The following MAST4 variants were observed in gnomAD, a reference collection of about 807,000 sequenced individuals.
MAST4 encodes the protein microtubule associated serine/threonine kinase family member 4.
A neutral mutation model predicts 162.7 loss-of-function variants in MAST4; 89 were observed. The observed-to-expected ratio is 0.55, with a 90% CI of 0.46 to 0.65. The LOEUF (loss-of-function observed/expected upper bound fraction) is 0.65. Ranked by LOEUF, MAST4 falls within the 30% of genes least tolerant of loss-of-function variation. MAST4 has a pLI of 0.00. For synonymous variants in MAST4, 1,479 were observed against 1,361.1 expected (o/e 1.09, Z -1.91); for missense variants, 3,153 against 3,374.0 (o/e 0.93, Z 1.62).
intron 19 of MAST4, among the ~76,000 whole-genome samples, chr5:67,137,725 A>G (rs1769846698): frequency 6.6e-6 from 1 of 152,230 alleles, no homozygotes; most frequent in African/African-American, 2.4e-5. Flanking sequence ...AGCTATGGCC[A>G]GATTTGTCCC....
rs536120855 is a variant in MAST4 at position 67,168,138 on chromosome 5, C to G, written c.*1087C>G. The G allele has an allele frequency of 2.6e-5, 4 of 152,174 alleles. No individual in the cohort carries two copies. The highest frequency in any genetic ancestry group is 6.6e-5 in the Admixed American group (1 of 15,262). 9.4% of individuals were successfully genotyped at this position (152,174 alleles called of 1,614,324 possible). A position where few individuals can be genotyped will look rare whatever the true frequency, so the allele number is the denominator to read the frequency against. On this transcript the variant is annotated 3_prime_UTR_variant, in exon 29 of 29. Transcript: ENST00000403625. ...AAATTTGCTTTTTTGAGGAAAAGAA[C>G]TGGGGGTGGATTTTGGCATCGTAGC... is the stretch of plus-strand genomic sequence containing the variant.
At chr5:66,788,607 C>CCCAAAAAAAAAAAAAAAAA in intron 2 of MAST4, 63 bp from the exon 3 acceptor site, 3 of 1,373,724 alleles carry the variant, frequency 2.2e-6, no homozygotes, top group Non-Finnish European at 3.0e-6. Flanking sequence ...CCCCCACCCC[C>CCCAAAAAAAAAAAAAAAAA]ATTGCAATAA....
At chr5:66,653,294 A>G (rs1413849521) in intron 1 of MAST4, among the ~76,000 whole-genome samples, 3 of 152,126 alleles carry the variant, frequency 2.0e-5, no homozygotes, top group African/African-American at 2.4e-5. Flanking sequence ...AAGAGGTGGC[A>G]GTTGTGGGAA....
chr5:66,690,161 T>G (rs955827806), intron 1 of MAST4, among the ~76,000 whole-genome samples: 2 of 152,194 alleles, frequency 1.3e-5, no homozygotes, highest in Non-Finnish European at 2.9e-5. Flanking sequence ...GCTTTTTATA[T>G]CTCAGTTTTG....
intron 3 of MAST4, among the ~76,000 whole-genome samples, chr5:66,880,649 G>A (rs545019851): frequency 2.2e-4 from 33 of 152,296 alleles, no homozygotes; most frequent in Admixed American, 2.2e-3. Flanking sequence ...AGAAGGAGAA[G>A]TAGAAGACTA....
chr5:66,749,927 T>C (rs1753030499), intron 1 of MAST4, among the ~76,000 whole-genome samples: 2 of 152,224 alleles, frequency 1.3e-5, no homozygotes, highest in African/African-American at 4.8e-5. Flanking sequence ...TAAAAGTAGA[T>C]AAAATCCAAT....
At chr5:66,809,395 C>A (rs1756365536) in intron 3 of MAST4, among the ~76,000 whole-genome samples, 1 of 152,160 alleles carries the variant, frequency 6.6e-6, no homozygotes, top group South Asian at 2.1e-4. Context: ...GGCAGTTGAT[C>A]AACAACAACT....
intron 4 of MAST4, chr5:66,930,653 A>G: frequency 2.1e-6 from 1 of 465,680 alleles, no homozygotes; most frequent in East Asian, 7.0e-5. Context: ...CTGACAATAT[A>G]TATTTGACCC....
chr5:66,985,136 C>T (rs1749334630), intron 4 of MAST4, among the ~76,000 whole-genome samples: 3 of 152,056 alleles, frequency 2.0e-5, no homozygotes, highest in South Asian at 4.2e-4. Context: ...GGAGGCATGA[C>T]CAGAGATTAG....
At chr5:66,910,741 C>CTTTGTTTTTTTTTTTTTT (rs1763690763) in intron 4 of MAST4, among the ~76,000 whole-genome samples, 35 of 20,090 alleles carry the variant, frequency 1.7e-3, no homozygotes, top group South Asian at 5.6e-3. Flanking sequence ...TTTTTTTTTT[C>CTTTGTTTTTTTTTTTTTT]TTTTTTTTTT....
chr5:66,826,747 GC>G lies in MAST4; in HGVS notation c.642+37954del, dbSNP rs556819045. On this transcript the variant is annotated intron_variant, in intron 3 of 28. Coordinates refer to ENST00000403625, the MANE Select transcript of MAST4 (RefSeq NM_001164664.2). ...TATGAGTACACCATGCTTGGCTTTT[GC>G]TTTTAAAAATTGAGCTTCTTGGGTC... 5.5e-4 allele frequency among the ~76,000 whole-genome samples: 83 copies of G among 152,232 alleles called. 1 individual carries two copies. Among genetic ancestry groups the G allele is most frequent in the Non-Finnish European group, 1.0e-3 (70 of 68,018 alleles).
intron 1 of MAST4, among the ~76,000 whole-genome samples, chr5:66,631,043 G>A (rs1271040742): frequency 3.9e-5 from 6 of 152,068 alleles, no homozygotes; most frequent in African/African-American, 1.4e-4. Flanking sequence ...TATTTTTATA[G>A]TTTTTCCACA....
intron 4 of MAST4, among the ~76,000 whole-genome samples, chr5:66,903,875 C>G (rs1043922500): frequency 2.0e-5 from 3 of 152,132 alleles, no homozygotes; most frequent in African/African-American, 7.2e-5. Context: ...AGCCTCCAAG[C>G]AGTGGACCTG....
intron 1 of MAST4, among the ~76,000 whole-genome samples, chr5:66,696,996 A>G (rs1401709091): frequency 1.3e-5 from 2 of 152,228 alleles, no homozygotes; most frequent in Non-Finnish European, 2.9e-5. Context: ...GGAAGTATGC[A>G]TACAGCATTT....
intron 1 of MAST4, among the ~76,000 whole-genome samples, chr5:66,699,327 TC>T (rs1749615156): frequency 6.6e-6 from 1 of 152,162 alleles, no homozygotes; most frequent in Non-Finnish European, 1.5e-5. Context: ...CAGCACACCC[TC>T]CCCCAAGCCC....
At chr5:67,068,858 CTCATGCAACTAAATCATG>C (rs1760560607) in intron 5 of MAST4, among the ~76,000 whole-genome samples, 1 of 152,090 alleles carries the variant, frequency 6.6e-6, no homozygotes, top group Admixed American at 6.6e-5. Context: ...GCTAACAGGT[CTCATGCAACTAAATCATG>C]TCAAGAATAG....
At chr5:66,715,414 T>C (rs996419820) in intron 1 of MAST4, among the ~76,000 whole-genome samples, 53 of 150,906 alleles carry the variant, frequency 3.5e-4, no homozygotes, top group African/African-American at 1.3e-3. Flanking sequence ...ATTTAAAGAA[T>C]TAAGGGCCAC....
intron 4 of MAST4, among the ~76,000 whole-genome samples, chr5:67,045,717 T>C (rs750446462): frequency 2.9e-4 from 44 of 152,220 alleles, no homozygotes; most frequent in Non-Finnish European, 3.5e-4. Context: ...AGTTGCTCTG[T>C]ATATACGCTC....
intron 3 of MAST4, among the ~76,000 whole-genome samples, chr5:66,881,797 C>T (rs1341966231): frequency 6.6e-6 from 1 of 152,206 alleles, no homozygotes. Flanking sequence ...TATCCCTTTA[C>T]CTTTAGGGAC....
Sources: allele counts gnomAD v4.1 joint callset (sites outside exome capture counted in the v4.1 genomes callset), GRCh38; gene constraint gnomAD v4.1.1; transcripts MANE v1.5; gene names NCBI Gene and HGNC (gene_info 2026-07-23, HGNC 2026-07-21).